The following MEGF9 variants were observed in gnomAD, a reference collection of about 807,000 sequenced individuals.
MEGF9 encodes multiple epidermal growth factor-like domains protein 9.
Under a neutral mutation model 46.8 loss-of-function variants are expected in MEGF9, and 6 were observed. That is an observed-to-expected ratio of 0.13 (90% CI 0.07 to 0.25). MEGF9 has a LOEUF of 0.25. MEGF9 is among the 10% of genes least tolerant of loss of function. The pLI, the probability that MEGF9 is intolerant of heterozygous loss-of-function variation, is 1.00. For synonymous variants in MEGF9, 302 were observed against 330.7 expected (o/e 0.91, Z 0.94); for missense variants, 683 against 792.4 (o/e 0.86, Z 1.66).
intron 4 of MEGF9, among the ~76,000 whole-genome samples, chr9:120,610,402 T>C (rs1420057193): frequency 6.6e-6 from 1 of 152,182 alleles, no homozygotes; most frequent in African/African-American, 2.4e-5. Context: ...ACCTCAAATA[T>C]GACATTCAAT....
At chr9:120,684,212 C>T (rs1395343388) in intron 1 of MEGF9, among the ~76,000 whole-genome samples, 1 of 152,136 alleles carries the variant, frequency 6.6e-6, no homozygotes, top group Non-Finnish European at 1.5e-5. Context: ...GTAAAGGCTG[C>T]TTCTTCAAAC....
chr9:120,693,291 AAAAG>A lies in MEGF9; in HGVS notation c.601+20463_601+20466del, dbSNP rs1471199765. 3.2e-3 allele frequency among the ~76,000 whole-genome samples: 487 copies of A among 150,308 alleles called. 3 individuals carry two copies. The highest frequency in any genetic ancestry group is 0.011 in the African/African-American group (460 of 40,606). On this transcript the variant is annotated intron_variant, in intron 1 of 5. Transcript: ENST00000373930. Reference sequence around the variant, plus strand: ...CTGGTTAACCAAAAAAAAAAAAAAAAAAAGAAGAAGAAGAAGAAGAAGAAAAAGG... The same window carrying A: ...CTGGTTAACCAAAAAAAAAAAAAAAAAAGAAGAAGAAGAAGAAGAAAAAGG...
chr9:120,711,520 G>A (rs1350188844), intron 1 of MEGF9, among the ~76,000 whole-genome samples: 1 of 152,172 alleles, frequency 6.6e-6, no homozygotes, highest in African/African-American at 2.4e-5. Flanking sequence ...TCTAGGGACT[G>A]ACTGAAACTA....
In MEGF9 at chr9:120,701,827, G is replaced by A. The variant is rs574742634; in HGVS notation, c.601+11931C>T. Reference sequence around the variant, plus strand: ...TGGGAGGCCAAGGCGGGCGGATCACGAGGTCAGGAGATCGAGACCATCCTG... The same window carrying A: ...TGGGAGGCCAAGGCGGGCGGATCACAAGGTCAGGAGATCGAGACCATCCTG... On this transcript the variant is annotated intron_variant, in intron 1 of 5. Transcript: ENST00000373930. Among the ~76,000 whole-genome samples, 21 of 152,182 alleles carry A rather than the reference G, an allele frequency of 1.4e-4. No homozygotes were observed. The East Asian group carries it at 2.3e-3, about 17-fold the overall frequency.
In MEGF9 at chr9:120,607,805, C is replaced by T. The variant is rs1282391963; in HGVS notation, c.1293G>A (p.Gly431=). ...CTTCTAGGCAGTTCTCACACCAAAA[C>T]CCAGTGGTGTTATGGAGGCAGTTGA... ...ECINCLHNTT[G]FWCENCLEGY... is the part of the protein sequence containing the mutation. Residue 431 remains glycine (G), a synonymous_variant, in exon 5 of 6, where the codon GGG becomes GGA. Transcript: ENST00000373930. 2 of 1,614,002 alleles carry T rather than the reference C, an allele frequency of 1.2e-6. No individual in the cohort carries two copies. Among genetic ancestry groups the T allele is most frequent in the Non-Finnish European group, 8.5e-7 (1 of 1,179,884 alleles).
chr9:120,634,179 G>C (rs551099179), intron 2 of MEGF9, among the ~76,000 whole-genome samples: 1 of 152,116 alleles, frequency 6.6e-6, no homozygotes, highest in East Asian at 1.9e-4. Flanking sequence ...ATGTTGAGAC[G>C]TTAGATATTG....
chr9:120,689,756 T>C (rs1412556719), intron 1 of MEGF9, among the ~76,000 whole-genome samples: 4 of 152,156 alleles, frequency 2.6e-5, no homozygotes, highest in Admixed American at 6.5e-5. Flanking sequence ...GAAAATTGTA[T>C]AAAAATCAAA....
chr9:120,692,874 C>T (rs2043856093), intron 1 of MEGF9, among the ~76,000 whole-genome samples: 1 of 152,140 alleles, frequency 6.6e-6, no homozygotes. Context: ...CCTTTCCTGA[C>T]ATTGTCCTTC....
At chr9:120,667,800 C>T (rs1461446517) in intron 1 of MEGF9, among the ~76,000 whole-genome samples, 1 of 152,166 alleles carries the variant, frequency 6.6e-6, no homozygotes, top group African/African-American at 2.4e-5. Context: ...CCAAGGTGGG[C>T]AGATCACCGG....
At chr9:120,620,266 G>C (rs982107670) in intron 3 of MEGF9, among the ~76,000 whole-genome samples, 2 of 152,162 alleles carry the variant, frequency 1.3e-5, no homozygotes, top group African/African-American at 4.8e-5. Flanking sequence ...AAAAGATCTA[G>C]GGAGTAATTT....
intron 2 of MEGF9, among the ~76,000 whole-genome samples, chr9:120,654,734 T>C (rs2043668885): frequency 6.6e-6 from 1 of 152,188 alleles, no homozygotes; most frequent in African/African-American, 2.4e-5. Flanking sequence ...AAGAAAGCAC[T>C]GTTATCATGG....
chr9:120,618,148 A>G (rs2043480410), intron 3 of MEGF9, among the ~76,000 whole-genome samples: 1 of 152,206 alleles, frequency 6.6e-6, no homozygotes, highest in Non-Finnish European at 1.5e-5. Context: ...ATGAGCTAAA[A>G]CAAACAAACA....
intron 1 of MEGF9, among the ~76,000 whole-genome samples, chr9:120,693,005 A>T (rs75889165): frequency 0.024 from 3,621 of 152,260 alleles, 61 homozygotes; most frequent in Non-Finnish European, 0.035. Context: ...CAATGACAGA[A>T]ACCAGGTCTT....
chr9:120,707,769 G>A (rs770239557), intron 1 of MEGF9, among the ~76,000 whole-genome samples: 19 of 152,098 alleles, frequency 1.2e-4, no homozygotes, highest in Admixed American at 7.2e-4. Context: ...TTGGCTGGGC[G>A]TGGTGGCTCA....
At chr9:120,610,949 A>G (rs2043442428) in intron 4 of MEGF9, among the ~76,000 whole-genome samples, 1 of 152,194 alleles carries the variant, frequency 6.6e-6, no homozygotes, top group Non-Finnish European at 1.5e-5. Context: ...TTAAATGTGC[A>G]AAGGATCTGA....
chr9:120,621,621 G>A (rs951125423), intron 3 of MEGF9, among the ~76,000 whole-genome samples: 17 of 151,950 alleles, frequency 1.1e-4, no homozygotes, highest in African/African-American at 3.9e-4. Context: ...TTTCTAAGTT[G>A]ACTCTAACAC....
At chr9:120,632,978 T>C (rs1046125441) in intron 2 of MEGF9, among the ~76,000 whole-genome samples, 6 of 152,178 alleles carry the variant, frequency 3.9e-5, no homozygotes, top group Non-Finnish European at 7.4e-5. Context: ...AATGTGTTGT[T>C]GGATTTGGTT....
chr9:120,704,226 C>A, intron 1 of MEGF9, among the ~76,000 whole-genome samples: 1 of 149,176 alleles, frequency 6.7e-6, no homozygotes, highest in East Asian at 2.0e-4. Flanking sequence ...CCCAGCTACT[C>A]GGGAGGCTGA....
In MEGF9 at chr9:120,603,174, T is replaced by C. The variant is rs192259746; in HGVS notation, c.*2016A>G. 79 of 152,294 alleles carry C rather than the reference T, an allele frequency of 5.2e-4. No individual in the cohort carries two copies. The highest frequency in any genetic ancestry group is 1.9e-3 in the African/African-American group (78 of 41,568). The allele number at this position is 152,294 out of a possible 1,614,324, so 9.4% of individuals were successfully genotyped here. On this transcript the variant is annotated 3_prime_UTR_variant, in exon 6 of 6. Coordinates refer to ENST00000373930, the MANE Select transcript of MEGF9 (RefSeq NM_001080497.3). ...ATTCCAAGCCTAATAATCACACACA[T>C]TGTATAGCCTTGAACAAGATATTTA...
Sources: gnomAD v4.1 joint callset for allele counts (sites outside exome capture counted in the v4.1 genomes callset) on GRCh38, gnomAD v4.1.1 for gene constraint, MANE v1.5 for transcripts, NCBI Gene and HGNC (gene_info 2026-07-23, HGNC 2026-07-21) for gene names.